The following CAV1 variants were observed in gnomAD, a reference collection of about 807,000 sequenced individuals.
The protein encoded by CAV1 is caveolin-1.
A neutral mutation model predicts 16.5 loss-of-function variants in CAV1; 10 were observed. The ratio of observed to expected loss-of-function variants is 0.61; its 90% CI spans 0.37 to 1.03. The LOEUF is 1.03. CAV1 is among the 50% of genes least tolerant of loss of function. The pLI is 0.01. For synonymous variants in CAV1, 76 were observed against 85.1 expected, an observed-to-expected ratio of 0.89 and a Z score of 0.59; for missense variants, 212 against 232.8, an observed-to-expected ratio of 0.91 and a Z score of 0.58.
At position 116,555,604 on chromosome 7, in the gene CAV1, G is replaced by A. The variant is rs1361226101; in HGVS notation, c.196-3342G>A. Among the ~76,000 whole-genome samples, 73 of 73,454 alleles carry A rather than the reference G, an allele frequency of 9.9e-4. 4 individuals are homozygous for A. The highest frequency in any genetic ancestry group is 4.0e-3 in the African/African-American group (64 of 16,144). The allele number at this position is 73,454 out of a possible 152,430, so 48.2% of individuals were successfully genotyped here. ...AGAAAGAAAGAAAGAAAGAAAGAAA[G>A]AGAAAGAAAGAAAGAAGGGAGGGAG... is the stretch of plus-strand genomic sequence containing the variant. On this transcript the variant is annotated intron_variant, in intron 2 of 2. Coordinates refer to ENST00000341049, the MANE Select transcript of CAV1 (RefSeq NM_001753.5).
At chr7:116,557,818 G>T (rs1794321039) in intron 2 of CAV1, among the ~76,000 whole-genome samples, 1 of 151,986 alleles carries the variant, frequency 6.6e-6, no homozygotes, top group South Asian at 2.1e-4. Context: ...CTCCCAGTGT[G>T]CATACGGTTG....
At chr7:116,552,328 G>A (rs1256967492) in intron 2 of CAV1, among the ~76,000 whole-genome samples, 3 of 152,176 alleles carry the variant, frequency 2.0e-5, no homozygotes, top group Non-Finnish European at 4.4e-5. Context: ...TACAATTTAG[G>A]TAGTGTATTG....
At position 116,555,523 on chromosome 7, in the gene CAV1, AGAG is replaced by A. The variant is rs1794259035; in HGVS notation, c.196-3422_196-3420del. On this transcript the variant is annotated intron_variant, in intron 2 of 2. Coordinates refer to ENST00000341049, the MANE Select transcript of CAV1 (RefSeq NM_001753.5). ...AAGAAAGAAAGAAAGAAAGAAAGAG[AGAG>A]AGAGAGAGAGAGAGAGAGAAAGAAA... Among the ~76,000 whole-genome samples, 8 of 8,344 alleles carry A rather than the reference AGAG, an allele frequency of 9.6e-4. 4 individuals are homozygous for A. The highest frequency in any genetic ancestry group is 6.7e-4 in the African/African-American group (2 of 2,998). The allele number at this position is 8,344 out of a possible 152,430, so 5.5% of individuals were successfully genotyped here.
intron 2 of CAV1, among the ~76,000 whole-genome samples, chr7:116,547,115 G>A (rs528848511): frequency 1.8e-4 from 27 of 152,244 alleles, no homozygotes; most frequent in African/African-American, 5.8e-4. Flanking sequence ...TATTTGATGA[G>A]GGTTCCACCC....
intron 2 of CAV1, among the ~76,000 whole-genome samples, chr7:116,528,072 T>C (rs1793605306): frequency 2.0e-5 from 3 of 151,882 alleles, no homozygotes; most frequent in Admixed American, 2.0e-4. Flanking sequence ...GATATTTGTG[T>C]TTTCCCCCAC....
chr7:116,530,200 C>G (rs1019005340), intron 2 of CAV1, among the ~76,000 whole-genome samples: 2 of 45,390 alleles, frequency 4.4e-5, no homozygotes, highest in Non-Finnish European at 9.5e-5. Context: ...ACTGATTGGT[C>G]CTTTTTCCTT....
At chr7:116,527,930 G>A (rs1793602540) in intron 2 of CAV1, among the ~76,000 whole-genome samples, 1 of 152,118 alleles carries the variant, frequency 6.6e-6, no homozygotes, top group Admixed American at 6.5e-5. Flanking sequence ...AGGAAAATTG[G>A]AGCATTTGCA....
intron 2 of CAV1, among the ~76,000 whole-genome samples, chr7:116,538,627 C>G (rs943607824): frequency 6.6e-6 from 1 of 152,186 alleles, no homozygotes; most frequent in Admixed American, 6.5e-5. Flanking sequence ...GTAAGTCCCT[C>G]TATTTCTCTA....
At chr7:116,532,179 G>T (rs1001605295) in intron 2 of CAV1, among the ~76,000 whole-genome samples, 1 of 152,104 alleles carries the variant, frequency 6.6e-6, no homozygotes, top group South Asian at 2.1e-4. Flanking sequence ...TTCAGTTAAC[G>T]GCAGGGTTGG....
Position 116,530,475 on chromosome 7 carries a change from A to G in CAV1, c.195+3786A>G, listed in dbSNP as rs1043230889. Among the ~76,000 whole-genome samples the G allele has an allele frequency of 1.9e-4, 29 of 152,288 alleles. No homozygotes were observed. In the South Asian group the frequency reaches 5.2e-3, roughly 27 times the overall value. On this transcript the variant is annotated intron_variant, in intron 2 of 2. Transcript: ENST00000341049. ...GGTTTTTAAATAGGGAATGGTATCA[A>G]TATGAAGTGTTAGGGAGACCCAGCC...
At chr7:116,550,765 T>C (rs1453437244) in intron 2 of CAV1, among the ~76,000 whole-genome samples, 2 of 152,152 alleles carry the variant, frequency 1.3e-5, no homozygotes, top group Non-Finnish European at 2.9e-5. Context: ...ATGTATTTAA[T>C]CTTTTTTTAA....
chr7:116,549,721 A>G (rs1190515533), intron 2 of CAV1, among the ~76,000 whole-genome samples: 1 of 152,202 alleles, frequency 6.6e-6, no homozygotes, highest in Non-Finnish European at 1.5e-5. Flanking sequence ...AATGTTATGT[A>G]TGGCTACATC....
chr7:116,546,995 T>C (rs1794064922), intron 2 of CAV1, among the ~76,000 whole-genome samples: 1 of 152,196 alleles, frequency 6.6e-6, no homozygotes, highest in Non-Finnish European at 1.5e-5. Flanking sequence ...TTGCTGGCAA[T>C]GTTTGGCATT....
At chr7:116,552,752 C>T (rs1794189022) in intron 2 of CAV1, among the ~76,000 whole-genome samples, 1 of 152,196 alleles carries the variant, frequency 6.6e-6, no homozygotes, top group East Asian at 1.9e-4. Flanking sequence ...CTGGAAGTCC[C>T]CTCTAGCAGA....
At chr7:116,532,596 A>C (rs957990516) in intron 2 of CAV1, among the ~76,000 whole-genome samples, 5 of 152,304 alleles carry the variant, frequency 3.3e-5, no homozygotes, top group Middle Eastern at 6.8e-3. Flanking sequence ...CTAGAGAAAA[A>C]GATTTGCAAA....
chr7:116,553,623 C>T (rs1018670633), intron 2 of CAV1, among the ~76,000 whole-genome samples: 1 of 152,044 alleles, frequency 6.6e-6, no homozygotes, highest in Non-Finnish European at 1.5e-5. Context: ...ATGGCACCTA[C>T]ACCTCTTGGG....
rs1008413845 is a variant in CAV1 at position 116,542,455 on chromosome 7, T to C, written c.195+15766T>C. 4.6e-5 allele frequency among the ~76,000 whole-genome samples: 7 copies of C among 152,208 alleles called. No individual in the cohort carries two copies. In the East Asian group the frequency reaches 7.7e-4, roughly 17 times the overall value. ...AGGTGCTGCTAATGTATAGCTAAAATTGGGTCTGGTTTAGACTCTCAGAAT... is the reference window on the plus strand; with the variant it reads ...AGGTGCTGCTAATGTATAGCTAAAACTGGGTCTGGTTTAGACTCTCAGAAT... On this transcript the variant is annotated intron_variant, in intron 2 of 2. Transcript: ENST00000341049.
At chr7:116,555,358 G>A (rs1794238106) in intron 2 of CAV1, among the ~76,000 whole-genome samples, 1 of 150,736 alleles carries the variant, frequency 6.6e-6, no homozygotes, top group South Asian at 2.1e-4. Flanking sequence ...AGGATTGCTT[G>A]AGCCCAGGAG....
At position 116,525,517 on chromosome 7, in the gene CAV1, T is replaced by C. The variant is rs965266286; in HGVS notation, c.30+425T>C. The C allele has an allele frequency of 4.0e-6, 5 of 1,234,868 alleles. No individual in the cohort carries two copies. The African/African-American group carries it at 6.2e-5, about 15-fold the overall frequency. 76.5% of individuals were successfully genotyped at this position (1,234,868 alleles called of 1,614,324 possible). On this transcript the variant is annotated intron_variant, in intron 1 of 2. Transcript: ENST00000341049. ...GTCCTGGGGACAGTCCCCGGGACTC[T>C]CCGCCAGGCGCCCAGACCGGCAGGT...
Sources: allele counts gnomAD v4.1 joint callset (sites outside exome capture counted in the v4.1 genomes callset), GRCh38; gene constraint gnomAD v4.1.1; transcripts MANE v1.5; gene names NCBI Gene and HGNC (gene_info 2026-07-23, HGNC 2026-07-21).